PCDHA13: variants seen among roughly 807,000 people sequenced by gnomAD.
PCDHA13 encodes the protein protocadherin alpha 13, also known as protocadherin alpha-13.
In PCDHA13, 54 loss-of-function variants were observed where a neutral mutation model predicts 64.8. That is an observed-to-expected ratio of 0.83 (90% CI 0.67 to 1.04). PCDHA13 has a LOEUF of 1.04. Among genes scored for constraint, PCDHA13 ranks in the 50% least tolerant of loss-of-function variants. The pLI is 0.00. For synonymous variants in PCDHA13, 587 were observed against 564.4 expected (o/e 1.04, Z -0.57); for missense variants, 1,248 against 1,254.3 (o/e 0.99, Z 0.08).
At chr5:140,979,494 A>C (rs1284874558) in intron 2 of PCDHA13, among the ~76,000 whole-genome samples, 6 of 152,010 alleles carry the variant, frequency 3.9e-5, no homozygotes, top group African/African-American at 1.2e-4. Flanking sequence ...CACCTATTAG[A>C]GCCTCCTCAT....
At chr5:140,926,693 C>T (rs576013331) in intron 1 of PCDHA13, 12 of 742,944 alleles carry the variant, frequency 1.6e-5, no homozygotes, top group African/African-American at 9.2e-5. Context: ...CTAGCAAGCC[C>T]GGCTCCCAGC....
intron 1 of PCDHA13, among the ~76,000 whole-genome samples, chr5:140,932,087 A>G (rs1262295013): frequency 6.6e-6 from 1 of 151,918 alleles, no homozygotes; most frequent in African/African-American, 2.4e-5. Flanking sequence ...TCAGGAAAAC[A>G]TGGTTTTTAT....
intron 1 of PCDHA13, among the ~76,000 whole-genome samples, chr5:140,941,343 G>C (rs2093045496): frequency 8.8e-6 from 1 of 114,104 alleles, no homozygotes. Context: ...TTCAGATGGA[G>C]TCTTGCTCTG....
At chr5:140,915,626 G>GTC (rs57920489) in intron 1 of PCDHA13, among the ~76,000 whole-genome samples, 4,335 of 146,228 alleles carry the variant, frequency 0.03, 91 homozygotes, top group African/African-American at 0.067. Flanking sequence ...GTCTCTTTCT[G>GTC]TCTCTCTCTC....
intron 1 of PCDHA13, among the ~76,000 whole-genome samples, chr5:140,917,473 C>G (rs1355146896): frequency 1.3e-5 from 2 of 152,196 alleles, no homozygotes; most frequent in Admixed American, 1.3e-4. Flanking sequence ...GTCATGAAAT[C>G]TTTGCCAGGG....
intron 2 of PCDHA13, chr5:140,982,229 A>C (rs2096972091): frequency 3.2e-6 from 2 of 616,470 alleles, no homozygotes. Context: ...TTAATAAAAA[A>C]CAGAATTGCC....
At chr5:140,918,584 A>G (rs1296882763) in intron 1 of PCDHA13, among the ~76,000 whole-genome samples, 1 of 152,212 alleles carries the variant, frequency 6.6e-6, no homozygotes, top group Non-Finnish European at 1.5e-5. Context: ...TATTGGCTAT[A>G]TGTTCTATAG....
intron 1 of PCDHA13, chr5:140,969,147 A>C (rs781909774): frequency 1.2e-6 from 2 of 1,614,172 alleles, no homozygotes; most frequent in South Asian, 2.2e-5. Flanking sequence ...TACTGCTACA[A>C]GGCCTGTCTG....
intron 1 of PCDHA13, among the ~76,000 whole-genome samples, chr5:140,977,165 T>C (rs921089293): frequency 1.3e-5 from 2 of 152,156 alleles, no homozygotes; most frequent in Non-Finnish European, 2.9e-5. Context: ...TTCAGCAAAA[T>C]GAGTTTGATG....
At chr5:140,935,908 T>TG (rs2090628873) in intron 1 of PCDHA13, among the ~76,000 whole-genome samples, 1 of 151,636 alleles carries the variant, frequency 6.6e-6, no homozygotes, top group Non-Finnish European at 1.5e-5. Context: ...TTTTTTTTTT[T>TG]TTGAGACAGA....
chr5:141,007,256 G>A (rs1412168610), intron 3 of PCDHA13, among the ~76,000 whole-genome samples: 1 of 152,034 alleles, frequency 6.6e-6, no homozygotes, highest in Non-Finnish European at 1.5e-5. Flanking sequence ...CAAGTTAAAA[G>A]AAGCAGATAC....
Position 140,968,978 on chromosome 5 carries a change from G to T in PCDHA13, c.2395-9971G>T, listed in dbSNP as rs782147151. ...CAAGTGCTACCGCTACACTGCGTATGGCACTGCATGCTGTGGAGGCTTCTG... is the reference window on the plus strand; with the variant it reads ...CAAGTGCTACCGCTACACTGCGTATTGCACTGCATGCTGTGGAGGCTTCTG... On this transcript the variant is annotated intron_variant, in intron 1 of 3. Coordinates refer to ENST00000289272, the MANE Select transcript of PCDHA13 (RefSeq NM_018904.3). The T allele has an allele frequency of 8.7e-6, 14 of 1,614,212 alleles. No homozygotes were observed. Among genetic ancestry groups the T allele is most frequent in the Non-Finnish European group, 1.2e-5 (14 of 1,180,042 alleles).
chr5:140,936,615 G>T (rs1052104404), intron 1 of PCDHA13, among the ~76,000 whole-genome samples: 1 of 152,178 alleles, frequency 6.6e-6, no homozygotes, highest in Non-Finnish European at 1.5e-5. Context: ...CTGCTACTGT[G>T]CAGTGCTACC....
At chr5:140,991,808 G>A (rs367660702) in intron 3 of PCDHA13, among the ~76,000 whole-genome samples, 4 of 152,074 alleles carry the variant, frequency 2.6e-5, no homozygotes, top group East Asian at 1.9e-4. Flanking sequence ...GGCCACTTCC[G>A]CATTTTTAGG....
intron 1 of PCDHA13, among the ~76,000 whole-genome samples, chr5:140,905,413 A>T (rs2071819141): frequency 6.6e-6 from 1 of 152,180 alleles, no homozygotes; most frequent in South Asian, 2.1e-4. Flanking sequence ...TTATACCAGT[A>T]CCATGCTGGT....
intron 1 of PCDHA13, chr5:140,966,863 C>T: frequency 6.4e-7 from 1 of 1,562,680 alleles, no homozygotes; most frequent in East Asian, 2.3e-5. Flanking sequence ...GCTGCTGTTG[C>T]TGCTGCTGCT....
chr5:140,967,451 G>A, intron 1 of PCDHA13: 2 of 1,613,628 alleles, frequency 1.2e-6, no homozygotes, highest in South Asian at 2.2e-5. Flanking sequence ...GGTTCTCACA[G>A]CCGTGGATGG....
chr5:140,890,043 G>GT (rs1255415089), intron 1 of PCDHA13, among the ~76,000 whole-genome samples: 1 of 152,192 alleles, frequency 6.6e-6, no homozygotes, highest in Non-Finnish European at 1.5e-5. Context: ...ACTGTAGTGT[G>GT]TTGGAGCTGG....
intron 1 of PCDHA13, among the ~76,000 whole-genome samples, chr5:140,944,593 TG>T: frequency 6.6e-6 from 1 of 152,318 alleles, no homozygotes; most frequent in South Asian, 2.1e-4. Flanking sequence ...AGAATTTCCC[TG>T]GGTAGAGTAG....
Sources: allele counts gnomAD v4.1 joint callset (sites outside exome capture counted in the v4.1 genomes callset), GRCh38; gene constraint gnomAD v4.1.1; transcripts MANE v1.5; gene names NCBI Gene and HGNC (gene_info 2026-07-23, HGNC 2026-07-21).